Variants in NTM observed in about 807,000 individuals in gnomAD.
NTM encodes IgLON family member 2.
A neutral mutation model predicts 42.1 loss-of-function variants in NTM; 13 were observed. The ratio of observed to expected loss-of-function variants is 0.31; its 90% CI spans 0.20 to 0.49. NTM has a LOEUF of 0.49. Ranked by LOEUF, NTM falls within the 20% of genes least tolerant of loss-of-function variation. The probability of loss-of-function intolerance (pLI) is 0.99; values close to 1 mark genes in which losing one functional copy is unlikely to be tolerated. For missense variants in NTM, 373 were observed against 452.8 expected, an observed-to-expected ratio of 0.82 and a Z score of 1.60; for synonymous variants, 187 against 179.2, an observed-to-expected ratio of 1.04 and a Z score of -0.35.
At chr11:131,404,980 T>C (rs1945650203) in intron 1 of NTM, among the ~76,000 whole-genome samples, 1 of 152,182 alleles carries the variant, frequency 6.6e-6, no homozygotes, top group Non-Finnish European at 1.5e-5. Flanking sequence ...TATGGAAGAA[T>C]GACCACAATT....
At chr11:131,420,957 G>A (rs890029842) in intron 1 of NTM, among the ~76,000 whole-genome samples, 4 of 151,930 alleles carry the variant, frequency 2.6e-5, no homozygotes, top group African/African-American at 9.7e-5. Context: ...CCATTCTCTA[G>A]CCTTGGCCTT....
intron 1 of NTM, among the ~76,000 whole-genome samples, chr11:131,763,707 C>CTTTTTTTTTTTTTTT (rs1443279848): frequency 3.3e-5 from 2 of 60,796 alleles, no homozygotes; most frequent in African/African-American, 8.7e-5. Flanking sequence ...CCATCTCTCT[C>CTTTTTTTTTTTTTTT]TCTTTTTTTT....
intron 2 of NTM, among the ~76,000 whole-genome samples, chr11:132,044,111 TG>T (rs2077612017): frequency 1.4e-5 from 1 of 71,208 alleles, no homozygotes; most frequent in African/African-American, 6.3e-5. Flanking sequence ...TATGTGTGTA[TG>T]TGTATGTGTG....
intron 2 of NTM, among the ~76,000 whole-genome samples, chr11:131,931,138 G>T (rs1349564037): frequency 6.6e-6 from 1 of 152,074 alleles, no homozygotes; most frequent in Non-Finnish European, 1.5e-5. Context: ...TAACCAGATA[G>T]GATTAGTGTC....
intron 2 of NTM, among the ~76,000 whole-genome samples, chr11:132,081,066 A>G (rs572966306): frequency 6.6e-6 from 1 of 152,362 alleles, no homozygotes; most frequent in African/African-American, 2.4e-5. Context: ...ATAGATGCTA[A>G]GGGATTTGGC....
chr11:132,152,728 A>G (rs925122123), intron 3 of NTM, among the ~76,000 whole-genome samples: 3 of 152,216 alleles, frequency 2.0e-5, no homozygotes, highest in East Asian at 1.9e-4. Context: ...ACAAAAATTG[A>G]CAGAAAGGCT....
At chr11:132,210,122 G>T (rs1271339112) in intron 3 of NTM, among the ~76,000 whole-genome samples, 1 of 152,222 alleles carries the variant, frequency 6.6e-6, no homozygotes, top group Non-Finnish European at 1.5e-5. Flanking sequence ...TCATCGTGCA[G>T]CTTCCCTGGG....
intron 1 of NTM, among the ~76,000 whole-genome samples, chr11:131,880,176 C>G (rs1355886463): frequency 6.6e-6 from 1 of 152,206 alleles, no homozygotes; most frequent in Non-Finnish European, 1.5e-5. Context: ...ATAAAACTCT[C>G]AATAAATCGA....
At chr11:131,508,407 A>C (rs1246262667) in intron 1 of NTM, among the ~76,000 whole-genome samples, 1 of 150,486 alleles carries the variant, frequency 6.6e-6, no homozygotes, top group Non-Finnish European at 1.5e-5. Context: ...GAGGATGTGG[A>C]GAAATAGGAA....
intron 3 of NTM, among the ~76,000 whole-genome samples, chr11:132,197,510 TTTTTATTA>T (rs1226499734): frequency 3.9e-5 from 6 of 152,148 alleles, no homozygotes; most frequent in Non-Finnish European, 7.3e-5. Context: ...ATTTTTAATT[TTTTTATTA>T]TTTAAGTTCT....
intron 2 of NTM, among the ~76,000 whole-genome samples, chr11:132,128,194 G>T (rs2066175476): frequency 6.6e-6 from 1 of 151,990 alleles, no homozygotes; most frequent in African/African-American, 2.4e-5. Context: ...AGCTTTCCCA[G>T]ACACTAAAGT....
At chr11:131,444,675 G>T (rs1033369257) in intron 1 of NTM, among the ~76,000 whole-genome samples, 6 of 152,186 alleles carry the variant, frequency 3.9e-5, no homozygotes, top group Admixed American at 2.6e-4. Flanking sequence ...AAGTGTGGTT[G>T]TGGGGGGTGT....
At chr11:132,042,382 A>G (rs1467538232) in intron 2 of NTM, among the ~76,000 whole-genome samples, 1 of 152,186 alleles carries the variant, frequency 6.6e-6, no homozygotes, top group South Asian at 2.1e-4. Context: ...AGATCTTTGT[A>G]TGGGCTCCAG....
chr11:131,849,901 A>G (rs563609068), intron 1 of NTM, among the ~76,000 whole-genome samples: 53 of 151,728 alleles, frequency 3.5e-4, no homozygotes, highest in East Asian at 7.8e-4. Context: ...CAGCACACCA[A>G]CATGGCACAT....
intron 4 of NTM, among the ~76,000 whole-genome samples, chr11:132,282,573 CA>C (rs1337659933): frequency 6.6e-6 from 1 of 151,992 alleles, no homozygotes; most frequent in Non-Finnish European, 1.5e-5. Flanking sequence ...TCATGTTTTC[CA>C]AAAAATATCT....
At chr11:131,573,110 A>C (rs1399176788) in intron 1 of NTM, among the ~76,000 whole-genome samples, 2 of 152,194 alleles carry the variant, frequency 1.3e-5, no homozygotes, top group Non-Finnish European at 2.9e-5. Context: ...AAGCAGTAGC[A>C]GCCGAAGCCC....
intron 2 of NTM, among the ~76,000 whole-genome samples, chr11:131,976,368 T>C (rs1333792401): frequency 6.6e-6 from 1 of 152,164 alleles, no homozygotes; most frequent in African/African-American, 2.4e-5. Context: ...TCGGGGACAG[T>C]ATGGTTTATG....
At chr11:131,790,480 T>C (rs1246378601) in intron 1 of NTM, among the ~76,000 whole-genome samples, 1 of 152,078 alleles carries the variant, frequency 6.6e-6, no homozygotes, top group Non-Finnish European at 1.5e-5. Context: ...TAGTAAAGTC[T>C]CCCCTACTGA....
At chr11:132,249,887 A>C (rs1198889496) in intron 4 of NTM, among the ~76,000 whole-genome samples, 1 of 152,220 alleles carries the variant, frequency 6.6e-6, no homozygotes, top group African/African-American at 2.4e-5. Flanking sequence ...CTTCATTGCC[A>C]TTGCTGGTAT....
Sources: allele counts gnomAD v4.1 joint callset (sites outside exome capture counted in the v4.1 genomes callset), GRCh38; gene constraint gnomAD v4.1.1; transcripts MANE v1.5; gene names NCBI Gene and HGNC (gene_info 2026-07-23, HGNC 2026-07-21).